COL24A1: variants seen among roughly 807,000 people sequenced by gnomAD.
The protein encoded by COL24A1 is collagen type XXIV alpha 1 chain, also known as collagen alpha-1(XXIV) chain.
COL24A1 carries 224 observed loss-of-function variants against 253.9 expected under a neutral mutation model. The observed-to-expected ratio is 0.88, with a 90% CI of 0.79 to 0.99. The LOEUF is 0.99. COL24A1 is among the 50% of genes least tolerant of loss of function. The probability of loss-of-function intolerance (pLI) is 0.00; values close to 1 mark genes in which losing one functional copy is unlikely to be tolerated. For missense variants in COL24A1, 2,131 were observed against 2,068.5 expected (o/e 1.03, Z -0.59); for synonymous variants, 685 against 673.7 (o/e 1.02, Z -0.26).
chr1:85,926,118 C>T (rs768405667), intron 24 of COL24A1, among the ~76,000 whole-genome samples: 134 of 152,280 alleles, frequency 8.8e-4, no homozygotes, highest in African/African-American at 1.4e-3. Flanking sequence ...ATCAAAACCA[C>T]AATGAGATAC....
chr1:85,768,822 G>A (rs1047048736), intron 53 of COL24A1, among the ~76,000 whole-genome samples: 30 of 152,066 alleles, frequency 2.0e-4, no homozygotes, highest in Non-Finnish European at 3.4e-4. Flanking sequence ...GCTGAAATTA[G>A]CCTCAGTATC....
chr1:85,962,352 A>G (rs1260128850), intron 23 of COL24A1, among the ~76,000 whole-genome samples: 2 of 152,134 alleles, frequency 1.3e-5, no homozygotes. Context: ...CCTAACTTGG[A>G]TTGATTTGGC....
rs140938704 is a variant in COL24A1 at position 85,798,115 on chromosome 1, T to G, written c.3952-11654A>C. On this transcript the variant is annotated intron_variant, in intron 47 of 59. Transcript: ENST00000370571. ...GTGAATCTGAGGTAGGAGGATCACT[T>G]GAGCCTAGGTGTTCAAGGCTGCAGT... 5.9e-5 allele frequency among the ~76,000 whole-genome samples: 9 copies of G among 151,782 alleles called. No individual in the cohort carries two copies. The East Asian group carries it at 1.6e-3, about 26-fold the overall frequency.
At chr1:86,022,788 C>T (rs1312222433) in intron 16 of COL24A1, 45 bp downstream of exon 16, 4 of 1,349,622 alleles carry the variant, frequency 3.0e-6, no homozygotes, top group Non-Finnish European at 3.9e-6. Context: ...AAGTAAAAGA[C>T]AAATGTGATA....
At chr1:85,796,740 G>A (rs535197029) in intron 47 of COL24A1, among the ~76,000 whole-genome samples, 1 of 152,178 alleles carries the variant, frequency 6.6e-6, no homozygotes, top group East Asian at 1.9e-4. Flanking sequence ...TACATGCAGT[G>A]TACTATGCAT....
chr1:85,848,855 T>G (rs930515752), intron 38 of COL24A1, among the ~76,000 whole-genome samples: 1 of 152,200 alleles, frequency 6.6e-6, no homozygotes, highest in African/African-American at 2.4e-5. Flanking sequence ...TCACTATGAA[T>G]GTTGATTTTA....
chr1:85,748,775 C>CG (rs1305083094), intron 55 of COL24A1, among the ~76,000 whole-genome samples: 3 of 116,754 alleles, frequency 2.6e-5, no homozygotes, highest in African/African-American at 9.6e-5. Flanking sequence ...GGGTGACGGA[C>CG]GCACCTGGAA....
At chr1:85,790,323 G>A (rs1670131042) in intron 47 of COL24A1, among the ~76,000 whole-genome samples, 1 of 152,020 alleles carries the variant, frequency 6.6e-6, no homozygotes, top group African/African-American at 2.4e-5. Context: ...CTTCTTGATT[G>A]TACAGTTTAT....
intron 57 of COL24A1, among the ~76,000 whole-genome samples, chr1:85,744,458 A>T (rs879401833): frequency 6.6e-6 from 1 of 151,876 alleles, no homozygotes; most frequent in Non-Finnish European, 1.5e-5. Flanking sequence ...CCAAGTACAA[A>T]ATATAAGCAA....
At chr1:85,918,127 T>C (rs917228859) in intron 24 of COL24A1, among the ~76,000 whole-genome samples, 1 of 134,024 alleles carries the variant, frequency 7.5e-6, no homozygotes, top group Non-Finnish European at 1.7e-5. Flanking sequence ...AGTGTGGTTT[T>C]TGTTTTTTTT....
chr1:85,799,509 A>G lies in COL24A1; in HGVS notation c.3952-13048T>C, dbSNP rs370542952. Among the ~76,000 whole-genome samples the G allele has an allele frequency of 5.5e-4, 84 of 152,130 alleles. 1 individual carries two copies. Among genetic ancestry groups the G allele is most frequent in the African/African-American group, 2.0e-3 (82 of 41,510 alleles). ...TCTTAAGTAGTTTTTCTATTACCAC[A>G]GTAGGTTTGAGAAATACTTCTCTTA... On this transcript the variant is annotated intron_variant, in intron 47 of 59. Transcript: ENST00000370571.
chr1:85,874,567 T>C lies in COL24A1; in HGVS notation c.3138+82A>G, dbSNP rs1680911680. ...TATCAGAAAGGTTTATTATCCAATT[T>C]TTTGAGTGTTTCGAATAATAAGTTT... On this transcript the variant is annotated intron_variant, in intron 35 of 59. Transcript: ENST00000370571. The C allele has an allele frequency of 1.3e-5, 16 of 1,254,586 alleles. No individual in the cohort carries two copies. The South Asian group carries it at 2.1e-4, about 16-fold the overall frequency. 77.7% of individuals were successfully genotyped at this position (1,254,586 alleles called of 1,614,324 possible).
chr1:86,111,624 T>G (rs978757495), intron 5 of COL24A1, among the ~76,000 whole-genome samples: 2 of 152,148 alleles, frequency 1.3e-5, no homozygotes, highest in African/African-American at 4.8e-5. Flanking sequence ...CAGGGGCAAC[T>G]GGCTTGGGTC....
At chr1:85,830,817 C>G (rs1303197391) in intron 43 of COL24A1, among the ~76,000 whole-genome samples, 1 of 152,154 alleles carries the variant, frequency 6.6e-6, no homozygotes, top group Non-Finnish European at 1.5e-5. Context: ...CCTGCGCCCA[C>G]TGTCTGGCAC....
At position 85,987,590 on chromosome 1, in the gene COL24A1, C is replaced by T. The variant is rs962466490; in HGVS notation, c.2364+11G>A. ...ATAATTGTTTAGTCTCTCTCTTCTTCTTCTTCTTACCTTTGGTCCTTCAGG... is the reference window on the plus strand; with the variant it reads ...ATAATTGTTTAGTCTCTCTCTTCTTTTTCTTCTTACCTTTGGTCCTTCAGG... On this transcript the variant is annotated intron_variant, in intron 20 of 59. Transcript: ENST00000370571. 9 of 1,607,210 alleles carry T rather than the reference C, an allele frequency of 5.6e-6. No homozygotes were observed. Among genetic ancestry groups the T allele is most frequent in the Non-Finnish European group, 7.7e-6 (9 of 1,175,416 alleles).
intron 52 of COL24A1, among the ~76,000 whole-genome samples, chr1:85,779,592 AATTTTC>A: frequency 2.0e-5 from 3 of 152,238 alleles, no homozygotes; most frequent in Non-Finnish European, 2.9e-5. Flanking sequence ...ATGTGATACA[AATTTTC>A]TTATTGCTAA....
rs541077343 is a variant in COL24A1, at chr1:85,859,612, G to T, written c.3300+8907C>A. On this transcript the variant is annotated intron_variant, in intron 37 of 59. Coordinates refer to ENST00000370571, the MANE Select transcript of COL24A1 (RefSeq NM_152890.7). ...TATGTTGTTGTTATATTTTTTTTAG[G>T]AGGAAGTGTAAATTTCCACTGCTAG... is the stretch of plus-strand genomic sequence containing the variant. 2.9e-4 allele frequency among the ~76,000 whole-genome samples: 44 copies of T among 152,100 alleles called. No individual in the cohort carries two copies. The South Asian group carries it at 2.9e-3, about 10-fold the overall frequency.
intron 19 of COL24A1, among the ~76,000 whole-genome samples, chr1:85,997,079 A>ATATATATATATATATATATG (rs1694888419): frequency 1.5e-5 from 2 of 129,260 alleles, no homozygotes; most frequent in African/African-American, 2.8e-5. Context: ...ATATATATAT[A>ATATATATATATATATATATG]TACCAGTTAG....
At chr1:85,865,168 A>G (rs959939767) in intron 37 of COL24A1, among the ~76,000 whole-genome samples, 3 of 152,084 alleles carry the variant, frequency 2.0e-5, no homozygotes, top group Non-Finnish European at 2.9e-5. Flanking sequence ...GAAAAAAAAA[A>G]AAGTTTTATT....
Sources: gnomAD v4.1 joint callset for allele counts (sites outside exome capture counted in the v4.1 genomes callset) on GRCh38, gnomAD v4.1.1 for gene constraint, MANE v1.5 for transcripts, NCBI Gene and HGNC (gene_info 2026-07-23, HGNC 2026-07-21) for gene names.